Variants in FRMD4A observed in about 807,000 individuals in gnomAD.
FRMD4A encodes FERM domain containing 4A.
In FRMD4A, 29 loss-of-function variants were observed where a neutral mutation model predicts 129.1. The ratio of observed to expected loss-of-function variants is 0.22; its 90% CI spans 0.17 to 0.31. The LOEUF (loss-of-function observed/expected upper bound fraction) is 0.31. Among genes scored for constraint, FRMD4A ranks in the 10% least tolerant of loss-of-function variants. The pLI is 1.00. For missense variants in FRMD4A, 1,272 were observed against 1,375.8 expected, an observed-to-expected ratio of 0.92 and a Z score of 1.19; for synonymous variants, 634 against 571.6, an observed-to-expected ratio of 1.11 and a Z score of -1.56.
chr10:13,727,820 G>A (rs985629367), intron 12 of FRMD4A: 1 of 152,296 alleles, frequency 6.6e-6, no homozygotes, highest in African/African-American at 2.4e-5. Flanking sequence ...TGCCCTGAAT[G>A]CGCCTGATCT....
At chr10:14,099,567 T>C (rs1202549230) in intron 2 of FRMD4A, among the ~76,000 whole-genome samples, 3 of 152,190 alleles carry the variant, frequency 2.0e-5, no homozygotes, top group African/African-American at 7.2e-5. Flanking sequence ...TGTTTATATG[T>C]AGGTTTCACA....
chr10:13,690,374 T>A (rs1252961283), intron 15 of FRMD4A, among the ~76,000 whole-genome samples: 1 of 152,208 alleles, frequency 6.6e-6, no homozygotes, highest in Non-Finnish European at 1.5e-5. Flanking sequence ...GAAAGCTTTA[T>A]CCTCCTGGTG....
chr10:13,671,904 G>A (rs542945295), intron 16 of FRMD4A, among the ~76,000 whole-genome samples: 8 of 152,388 alleles, frequency 5.2e-5, no homozygotes, highest in African/African-American at 1.9e-4. Context: ...GAGCTGCTCT[G>A]ACAAGGAAGT....
intron 2 of FRMD4A, among the ~76,000 whole-genome samples, chr10:14,131,252 G>A (rs911193791): frequency 2.6e-5 from 4 of 152,122 alleles, no homozygotes; most frequent in Non-Finnish European, 5.9e-5. Flanking sequence ...TACAAGGATG[G>A]GCAAAACCAC....
At chr10:13,749,991 G>C (rs1303581237) in intron 8 of FRMD4A, among the ~76,000 whole-genome samples, 2 of 147,592 alleles carry the variant, frequency 1.4e-5, no homozygotes, top group Admixed American at 6.9e-5. Flanking sequence ...GAAAGAAAGA[G>C]ACAGAGAAAA....
intron 2 of FRMD4A, among the ~76,000 whole-genome samples, chr10:14,263,096 C>A (rs1219622090): frequency 6.6e-6 from 1 of 152,204 alleles, no homozygotes; most frequent in Non-Finnish European, 1.5e-5. Flanking sequence ...ACGGAGAGGA[C>A]CCGTGTGCGA....
chr10:14,242,220 A>C (rs1218400), intron 2 of FRMD4A, among the ~76,000 whole-genome samples: 1 of 152,110 alleles, frequency 6.6e-6, no homozygotes, highest in South Asian at 2.1e-4. Flanking sequence ...ACCATCAGGG[A>C]TCGTATGGAG....
intron 2 of FRMD4A, among the ~76,000 whole-genome samples, chr10:14,234,324 C>T (rs1408927852): frequency 6.6e-6 from 1 of 152,094 alleles, no homozygotes; most frequent in African/African-American, 2.4e-5. Flanking sequence ...AGTTCTGAGG[C>T]CACCCATCAC....
chr10:13,777,927 C>T (rs4748058), intron 6 of FRMD4A, among the ~76,000 whole-genome samples: 96,707 of 151,284 alleles, frequency 0.64, 32,837 homozygotes, highest in East Asian at 0.95. Flanking sequence ...GTGAGCCTCC[C>T]GAGTAGCTGG....
At chr10:14,020,666 AT>A (rs573003993) in intron 2 of FRMD4A, among the ~76,000 whole-genome samples, 6,827 of 147,348 alleles carry the variant, frequency 0.046, 429 homozygotes, top group African/African-American at 0.15. Context: ...GGCAGCCCCA[AT>A]TTTTTTTTTT....
chr10:14,239,583 C>A (rs1017336406), intron 2 of FRMD4A, among the ~76,000 whole-genome samples: 1 of 151,948 alleles, frequency 6.6e-6, no homozygotes, highest in Non-Finnish European at 1.5e-5. Context: ...GCCGAGATTG[C>A]GCCACTGCAC....
At chr10:14,125,140 T>G (rs139795200) in intron 2 of FRMD4A, among the ~76,000 whole-genome samples, 2 of 152,312 alleles carry the variant, frequency 1.3e-5, no homozygotes, top group African/African-American at 4.8e-5. Context: ...TAAGGGACAG[T>G]TGCCATGACA....
At chr10:13,778,269 T>G (rs1279006602) in intron 6 of FRMD4A, among the ~76,000 whole-genome samples, 1 of 152,334 alleles carries the variant, frequency 6.6e-6, no homozygotes, top group East Asian at 1.9e-4. Flanking sequence ...ACAATCTGTA[T>G]GTAAGTTCAG....
At chr10:13,978,642 T>G (rs186854435) in intron 2 of FRMD4A, among the ~76,000 whole-genome samples, 6 of 152,280 alleles carry the variant, frequency 3.9e-5, no homozygotes, top group African/African-American at 1.2e-4. Context: ...ATCCCATATT[T>G]GGGTCTGGAA....
At chr10:14,064,918 T>C (rs1834985498) in intron 2 of FRMD4A, among the ~76,000 whole-genome samples, 2 of 152,164 alleles carry the variant, frequency 1.3e-5, no homozygotes, top group South Asian at 4.1e-4. Flanking sequence ...GGATCATTCA[T>C]TGAAATGGCA....
At position 14,168,487 on chromosome 10, in the gene FRMD4A, C is replaced by T. The variant is rs183568641; in HGVS notation, c.45+161571G>A. ...ATTTACTCTTCAAAGGAATCTGTTT[C>T]GCTCTGACCTCTTTGAGCACACTTG... On this transcript the variant is annotated intron_variant, in intron 2 of 24. Coordinates refer to ENST00000357447, the MANE Select transcript of FRMD4A (RefSeq NM_018027.5). Among the ~76,000 whole-genome samples the T allele has an allele frequency of 7.9e-5, 12 of 152,304 alleles. No individual in the cohort carries two copies. The East Asian group carries it at 1.3e-3, about 17-fold the overall frequency.
chr10:13,873,248 G>A (rs1288283582), intron 2 of FRMD4A, among the ~76,000 whole-genome samples: 1 of 132,818 alleles, frequency 7.5e-6, no homozygotes, highest in Non-Finnish European at 1.5e-5. Context: ...GTTTTTAAAA[G>A]CCTAGAAAAA....
In FRMD4A at chr10:13,923,938, C is replaced by A. The variant is rs141918018; in HGVS notation, c.46-65026G>T. 4.4e-3 allele frequency among the ~76,000 whole-genome samples: 676 copies of A among 152,264 alleles called. 5 individuals are homozygous for A. The highest frequency in any genetic ancestry group is 5.4e-3 in the Non-Finnish European group (367 of 68,024). On this transcript the variant is annotated intron_variant, in intron 2 of 24. Coordinates refer to ENST00000357447, the MANE Select transcript of FRMD4A (RefSeq NM_018027.5). ...CAAAATAAACCTGCAAGTCACAAAG[C>A]AATGTAATGATAGAGGCAGCATGTG...
At chr10:13,857,613 G>A (rs2094231183) in intron 3 of FRMD4A, among the ~76,000 whole-genome samples, 1 of 152,044 alleles carries the variant, frequency 6.6e-6, no homozygotes, top group Non-Finnish European at 1.5e-5. Flanking sequence ...CATGTACAAG[G>A]CAACGCAAGA....
Sources: allele counts gnomAD v4.1 joint callset (sites outside exome capture counted in the v4.1 genomes callset), GRCh38; gene constraint gnomAD v4.1.1; transcripts MANE v1.5; gene names NCBI Gene and HGNC (gene_info 2026-07-23, HGNC 2026-07-21).